ATAD3A: variants seen among roughly 807,000 people sequenced by gnomAD.
The protein encoded by ATAD3A is ATPase family AAA domain containing 3A, also known as ATPase family AAA domain-containing protein 3A.
ATAD3A carries 46 observed loss-of-function variants against 73.8 expected under a neutral mutation model. The observed-to-expected ratio is 0.62, with a 90% CI of 0.49 to 0.80. The LOEUF (loss-of-function observed/expected upper bound fraction) is 0.80. Among genes scored for constraint, ATAD3A ranks in the 30% least tolerant of loss-of-function variants. The pLI is 0.00. For missense variants in ATAD3A, 705 were observed against 838.0 expected, an observed-to-expected ratio of 0.84 and a Z score of 1.96; for synonymous variants, 319 against 350.0, an observed-to-expected ratio of 0.91 and a Z score of 0.99.
At chr1:1,518,016 G>A (rs1641423933) in intron 4 of ATAD3A, among the ~76,000 whole-genome samples, 1 of 151,516 alleles carries the variant, frequency 6.6e-6, no homozygotes, top group African/African-American at 2.4e-5. Context: ...CACACTCCTC[G>A]CACACACACT....
At chr1:1,519,337 C>T (rs1487263201) in intron 5 of ATAD3A, among the ~76,000 whole-genome samples, 1 of 130,836 alleles carries the variant, frequency 7.6e-6, no homozygotes. Context: ...AGCAATTCTC[C>T]TGCCTCAGCC....
At chr1:1,529,553 G>T (rs1641966030) in intron 15 of ATAD3A, among the ~76,000 whole-genome samples, 1 of 152,262 alleles carries the variant, frequency 6.6e-6, no homozygotes, top group Non-Finnish European at 1.5e-5. Context: ...GTCGGTGGCT[G>T]ACAGTCACCC....
chr1:1,528,353 G>A (rs1570353452), intron 14 of ATAD3A, among the ~76,000 whole-genome samples: 1 of 151,392 alleles, frequency 6.6e-6, no homozygotes, highest in Admixed American at 6.6e-5. Context: ...GAGGTGATAC[G>A]GAGTGTTGCT....
intron 1 of ATAD3A, among the ~76,000 whole-genome samples, chr1:1,514,806 A>G (rs1378696316): frequency 1.3e-5 from 2 of 152,200 alleles, no homozygotes; most frequent in African/African-American, 4.8e-5. Flanking sequence ...GACGGGAACA[A>G]CGCACCAACC....
intron 14 of ATAD3A, 64 bp from the exon 15 acceptor site, chr1:1,529,159 G>A (rs958230426): frequency 6.3e-6 from 10 of 1,587,136 alleles, no homozygotes; most frequent in Admixed American, 3.7e-5. Flanking sequence ...CCTGTCTTCC[G>A]GCCTCCACCT....
At chr1:1,519,719 C>A (rs1272432180) in intron 5 of ATAD3A, among the ~76,000 whole-genome samples, 1 of 144,048 alleles carries the variant, frequency 6.9e-6, no homozygotes, top group African/African-American at 2.6e-5. Flanking sequence ...TGAGTTCTGA[C>A]AGCTGTGTTT....
intron 15 of ATAD3A, among the ~76,000 whole-genome samples, chr1:1,531,746 C>G (rs919834447): frequency 6.6e-5 from 10 of 151,900 alleles, no homozygotes; most frequent in African/African-American, 2.4e-4. Flanking sequence ...CCACTGCACT[C>G]CAGCCTGGGC....
chr1:1,524,067 G>A, intron 10 of ATAD3A, 103 bp downstream of exon 10: 2 of 1,594,292 alleles, frequency 1.3e-6, no homozygotes, highest in Non-Finnish European at 8.5e-7. Flanking sequence ...CCCCCCTTAG[G>A]CCTTTGCCCA....
In ATAD3A at chr1:1,512,195, G is replaced by T; in HGVS notation, c.-74G>T. The T allele has an allele frequency of 1.6e-6, 2 of 1,226,532 alleles. No homozygotes were observed. The highest frequency in any genetic ancestry group is 1.0e-6 in the Non-Finnish European group (1 of 980,824). The allele number at this position is 1,226,532 out of a possible 1,614,324, so 76.0% of individuals were successfully genotyped here. On this transcript the variant is annotated 5_prime_UTR_variant, in exon 1 of 16. In the 5' UTR this introduces an upstream ATG that the reference lacks. Coordinates refer to ENST00000378756, the MANE Select transcript of ATAD3A (RefSeq NM_001170535.3). ...TGACCACCGGCTCGCGGCGCGTGGA[G>T]GCTGCTCCCAGCCGCGCGCGAGTCA...
rs1000203911 is a variant in ATAD3A at position 1,518,816 on chromosome 1, G to A, written c.445-105G>A. 29 of 1,596,696 alleles carry A rather than the reference G, an allele frequency of 1.8e-5. No individual in the cohort carries two copies. In the Middle Eastern group the frequency reaches 6.6e-4, roughly 37 times the overall value. ...ACGGGCACCGTCACACCCCGCAAACGGGCACACTCACCCCCCTGCACACTC... is the reference window on the plus strand; with the variant it reads ...ACGGGCACCGTCACACCCCGCAAACAGGCACACTCACCCCCCTGCACACTC... On this transcript the variant is annotated intron_variant, in intron 4 of 15. Transcript: ENST00000378756.
Position 1,520,621 on chromosome 1 carries a change from A to C in ATAD3A, c.750+4A>C. ...CTGGGACAAAGTGACAGCCACGGTA[A>C]ACATACTCATAAAACAGGGCTGGCA... On this transcript the variant is annotated splice_donor_region_variant and intron_variant, in intron 7 of 15. Coordinates refer to ENST00000378756, the MANE Select transcript of ATAD3A (RefSeq NM_001170535.3). The surrounding 1 kb of genome is among the most constrained non-coding windows in gnomAD (Gnocchi z 4.0). 1 of 1,613,412 alleles carries C rather than the reference A, an allele frequency of 6.2e-7. No individual in the cohort carries two copies. The highest frequency in any genetic ancestry group is 8.5e-7 in the Non-Finnish European group (1 of 1,179,870).
chr1:1,512,336 C>T lies in ATAD3A; in HGVS notation c.68C>T (p.Pro23Leu), dbSNP rs777769663. 1.5e-5 allele frequency: 19 copies of T among 1,241,320 alleles called. No individual in the cohort carries two copies. The highest frequency in any genetic ancestry group is 4.3e-5 in the Admixed American group (1 of 23,342). 76.9% of individuals were successfully genotyped at this position (1,241,320 alleles called of 1,614,324 possible). The change falls in exon 1 of 16, where the codon CCG becomes CTG. Residue 23 changes from proline to leucine, a missense_variant. Transcript: ENST00000378756. ...GGCGCGGGGCCGCCGCCGCCTTTGC[C>T]GCCCGCGCAGCCCGGGGCCGAGGGC... is the stretch of plus-strand genomic sequence containing the variant. ...GEGAGPPPPL[P>L]PAQPGAEGGG...
chr1:1,528,670 C>T (rs936686531), intron 14 of ATAD3A, among the ~76,000 whole-genome samples: 2 of 152,330 alleles, frequency 1.3e-5, no homozygotes, highest in African/African-American at 2.4e-5. Flanking sequence ...GCAGAGGCTG[C>T]TCCACTTCTT....
chr1:1,518,642 C>G (rs1425678777), intron 4 of ATAD3A, among the ~76,000 whole-genome samples: 1 of 79,126 alleles, frequency 1.3e-5, no homozygotes, highest in Non-Finnish European at 2.3e-5. Context: ...CAGGCACGCA[C>G]AACCCCCCCA....
chr1:1,527,216 C>T (rs1641878669), intron 13 of ATAD3A: 5 of 1,302,090 alleles, frequency 3.8e-6, no homozygotes, highest in Non-Finnish European at 5.1e-6. Context: ...GTGGCTGACT[C>T]CTCAGGCACG....
chr1:1,519,055 C>G (rs1641493857), intron 5 of ATAD3A, 65 bp downstream of exon 5: 3 of 1,612,552 alleles, frequency 1.9e-6, no homozygotes, highest in Non-Finnish European at 2.5e-6. Flanking sequence ...CCGGCGTGCA[C>G]TCTGAGCCTG....
At position 1,523,022 on chromosome 1, in the gene ATAD3A, A is replaced by G. The variant is rs3813215; in HGVS notation, c.906+123A>G. 153,001 of 1,455,136 alleles carry G rather than the reference A, an allele frequency of 0.11. 19,509 individuals are homozygous for G. The highest frequency in any genetic ancestry group is 0.56 in the African/African-American group (36,255 of 65,204). 90.1% of individuals were successfully genotyped at this position (1,455,136 alleles called of 1,614,324 possible). Reference sequence around the variant, plus strand: ...TTCCCCGGATAACGGGCACCCGCACACTGCTTCACGGGTGGGTTTTCCTGT... The same window carrying G: ...TTCCCCGGATAACGGGCACCCGCACGCTGCTTCACGGGTGGGTTTTCCTGT... On this transcript the variant is annotated intron_variant, in intron 8 of 15. Coordinates refer to ENST00000378756, the MANE Select transcript of ATAD3A (RefSeq NM_001170535.3). The surrounding 1 kb of genome is among the most constrained non-coding windows in gnomAD (Gnocchi z 5.1).
intron 13 of ATAD3A, 110 bp downstream of exon 13, chr1:1,526,641 C>G: frequency 6.4e-7 from 1 of 1,564,730 alleles, no homozygotes; most frequent in South Asian, 1.2e-5. Flanking sequence ...GGGCAGCTGC[C>G]GTGGCCTCAA....
At chr1:1,516,931 C>T in intron 2 of ATAD3A, 2 of 641,078 alleles carry the variant, frequency 3.1e-6, no homozygotes, top group Non-Finnish European at 5.2e-6. Context: ...AGGCTGGTCT[C>T]GAACTACTAA....
Sources: allele counts gnomAD v4.1 joint callset (sites outside exome capture counted in the v4.1 genomes callset), GRCh38; gene constraint gnomAD v4.1.1; non-coding constraint Gnocchi (gnomAD v3.1); transcripts MANE v1.5; gene names NCBI Gene and HGNC (gene_info 2026-07-23, HGNC 2026-07-21).